The following GRM1 variants were observed in gnomAD, a reference collection of about 807,000 sequenced individuals.
GRM1 encodes the protein glutamate metabotropic receptor 1.
In GRM1, 33 loss-of-function variants were observed where a neutral mutation model predicts 90.9. The observed-to-expected ratio is 0.36, with a 90% CI of 0.28 to 0.49. The LOEUF (loss-of-function observed/expected upper bound fraction) is 0.49. Among genes scored for constraint, GRM1 ranks in the 20% least tolerant of loss-of-function variants. The probability of loss-of-function intolerance (pLI) is 0.99; values close to 1 mark genes in which losing one functional copy is unlikely to be tolerated. For missense variants in GRM1, 1,190 were observed against 1,534.3 expected (o/e 0.78, Z 3.75); for synonymous variants, 700 against 613.2 (o/e 1.14, Z -2.09).
intron 3 of GRM1, among the ~76,000 whole-genome samples, chr6:146,348,548 C>CT (rs1785262726): frequency 6.6e-6 from 1 of 152,230 alleles, no homozygotes; most frequent in Non-Finnish European, 1.5e-5. Context: ...TAGGTACTCA[C>CT]TTCAGATGGA....
At chr6:146,165,764 T>TGGCA (rs1777883320) in intron 2 of GRM1, among the ~76,000 whole-genome samples, 1 of 152,172 alleles carries the variant, frequency 6.6e-6, no homozygotes, top group Non-Finnish European at 1.5e-5. Context: ...TTTAGAATAC[T>TGGCA]CTGGAGAATA....
At chr6:146,269,034 C>T (rs543451149) in intron 2 of GRM1, among the ~76,000 whole-genome samples, 1 of 152,082 alleles carries the variant, frequency 6.6e-6, no homozygotes, top group African/African-American at 2.4e-5. Context: ...AATTTTTTTT[C>T]CCTAGACTTA....
chr6:146,110,907 A>G (rs1775533482), intron 1 of GRM1, among the ~76,000 whole-genome samples: 1 of 152,192 alleles, frequency 6.6e-6, no homozygotes, highest in African/African-American at 2.4e-5. Context: ...TTGTGTTCCT[A>G]AAGGAGGAAG....
intron 1 of GRM1, among the ~76,000 whole-genome samples, chr6:146,030,683 T>C (rs1790674524): frequency 6.6e-6 from 1 of 152,186 alleles, no homozygotes; most frequent in African/African-American, 2.4e-5. Context: ...CAGTTGAAGA[T>C]TTTCTTTGTC....
intron 2 of GRM1, among the ~76,000 whole-genome samples, chr6:146,233,779 A>G (rs1413520480): frequency 2.0e-5 from 3 of 152,146 alleles, no homozygotes; most frequent in Non-Finnish European, 4.4e-5. Context: ...ATATCAAACT[A>G]TAGTTAGACG....
chr6:146,382,054 C>A (rs923821988), intron 5 of GRM1, among the ~76,000 whole-genome samples: 3 of 152,064 alleles, frequency 2.0e-5, no homozygotes, highest in Non-Finnish European at 4.4e-5. Context: ...ACCATGTACA[C>A]AGGATGTAAA....
At chr6:146,106,453 G>A (rs370949188) in intron 1 of GRM1, among the ~76,000 whole-genome samples, 16 of 152,056 alleles carry the variant, frequency 1.1e-4, no homozygotes, top group Admixed American at 3.9e-4. Flanking sequence ...AACAAACTGC[G>A]GCCTTCAGAG....
intron 1 of GRM1, among the ~76,000 whole-genome samples, chr6:146,158,887 A>C (rs1214508789): frequency 1.3e-5 from 2 of 152,128 alleles, no homozygotes; most frequent in Non-Finnish European, 2.9e-5. Context: ...TTGCTTGCTC[A>C]TTCTTCGTGG....
chr6:146,427,579 C>T (rs1259088432), intron 7 of GRM1, among the ~76,000 whole-genome samples: 1 of 152,224 alleles, frequency 6.6e-6, no homozygotes, highest in Non-Finnish European at 1.5e-5. Context: ...CTCTTCCCTT[C>T]ACTCAGTGGA....
At chr6:146,385,358 A>AATG (rs954742884) in intron 5 of GRM1, among the ~76,000 whole-genome samples, 2 of 152,068 alleles carry the variant, frequency 1.3e-5, no homozygotes, top group Non-Finnish European at 2.9e-5. Flanking sequence ...TAATAATAAT[A>AATG]ATCTTTAACC....
At chr6:146,045,692 C>T (rs1221243927) in intron 1 of GRM1, among the ~76,000 whole-genome samples, 4 of 125,528 alleles carry the variant, frequency 3.2e-5, no homozygotes, top group Non-Finnish European at 6.4e-5. Flanking sequence ...TTGGTTTTTA[C>T]TAAATTTGTT....
At chr6:146,250,784 C>A (rs374221007) in intron 2 of GRM1, among the ~76,000 whole-genome samples, 2 of 152,192 alleles carry the variant, frequency 1.3e-5, no homozygotes, top group Non-Finnish European at 2.9e-5. Flanking sequence ...AACCCCATAC[C>A]TTTTCAGTGT....
chr6:146,122,779 C>G (rs1583033628), intron 1 of GRM1, among the ~76,000 whole-genome samples: 1 of 136,154 alleles, frequency 7.3e-6, no homozygotes, highest in Admixed American at 7.3e-5. Flanking sequence ...TCTAAGAATT[C>G]TATTTAGTTT....
chr6:146,235,164 T>C (rs1020281378), intron 2 of GRM1, among the ~76,000 whole-genome samples: 27 of 152,156 alleles, frequency 1.8e-4, no homozygotes, highest in African/African-American at 6.3e-4. Flanking sequence ...TAATTTTCCA[T>C]TGTATTTTTG....
chr6:146,357,794 A>G (rs1785646663), intron 5 of GRM1, 100 bp downstream of exon 5: 2 of 939,642 alleles, frequency 2.1e-6, no homozygotes, highest in Non-Finnish European at 3.4e-6. Context: ...ATAACTGTCT[A>G]GAAAGGGTGT....
chr6:146,273,467 A>T (rs1782242529), intron 2 of GRM1, among the ~76,000 whole-genome samples: 1 of 152,184 alleles, frequency 6.6e-6, no homozygotes, highest in Non-Finnish European at 1.5e-5. Flanking sequence ...TTATTTCTTA[A>T]ATAACTTTTT....
chr6:146,428,209 A>G (rs1465357278), intron 7 of GRM1, among the ~76,000 whole-genome samples: 1 of 152,210 alleles, frequency 6.6e-6, no homozygotes, highest in Non-Finnish European at 1.5e-5. Flanking sequence ...ATTTTTAGCC[A>G]TGGTTGTTCC....
intron 5 of GRM1, among the ~76,000 whole-genome samples, chr6:146,374,980 C>T (rs1776041282): frequency 2.0e-5 from 3 of 151,674 alleles, no homozygotes; most frequent in African/African-American, 2.4e-5. Flanking sequence ...AAGTTTTTTT[C>T]TCTTTTTTGA....
chr6:146,238,543 G>A (rs1048573940), intron 2 of GRM1, among the ~76,000 whole-genome samples: 2 of 152,082 alleles, frequency 1.3e-5, no homozygotes, highest in Admixed American at 6.6e-5. Context: ...AAAAGGGTAC[G>A]TACCCTTCAG....
Sources: allele counts gnomAD v4.1 joint callset (sites outside exome capture counted in the v4.1 genomes callset), GRCh38; gene constraint gnomAD v4.1.1; transcripts MANE v1.5; gene names NCBI Gene and HGNC (gene_info 2026-07-23, HGNC 2026-07-21).